Variants in ZNF354B observed in about 807,000 individuals in gnomAD.
ZNF354B encodes the protein zinc finger protein 354B.
ZNF354B carries 10 observed loss-of-function variants against 12.9 expected under a neutral mutation model. The ratio of observed to expected loss-of-function variants is 0.77; its 90% CI spans 0.48 to 1.31. ZNF354B has a LOEUF of 1.31. Among genes scored for constraint, ZNF354B ranks in the 40% most tolerant of loss-of-function variants. ZNF354B has a pLI of 0.00. For missense variants in ZNF354B, 614 were observed against 711.7 expected (o/e 0.86, Z 1.56); for synonymous variants, 260 against 243.7 (o/e 1.07, Z -0.62).
rs1175927141 is a variant in ZNF354B, at chr5:178,867,027, A to G, written c.212A>G (p.Asp71Gly). Residue 71 changes from aspartate (D) to glycine (G), a missense_variant, in exon 4 of 5, where the codon GAT (aspartate) becomes GGT (glycine). Coordinates refer to ENST00000322434, the MANE Select transcript of ZNF354B (RefSeq NM_058230.3). ...ATCTCCCTGTTGCAGCAAGGAGAAG[A>G]TCCCTGGGAGGTGGAGAAAGACAGT... is the stretch of plus-strand genomic sequence containing the variant. The part of the protein sequence containing the change: ...KVISLLQQGE[D>G]PWEVEKDSSG... The G allele has an allele frequency of 7.4e-6, 12 of 1,613,920 alleles. No individual in the cohort carries two copies. Among genetic ancestry groups the G allele is most frequent in the Non-Finnish European group, 9.3e-6 (11 of 1,179,954 alleles).
In ZNF354B at chr5:178,883,129, A is replaced by G. The variant is rs534909805; in HGVS notation, c.677A>G (p.Asn226Ser). 6.8e-6 allele frequency: 11 copies of G among 1,612,664 alleles called. No individual in the cohort carries two copies. The highest frequency in any genetic ancestry group is 5.3e-5 in the African/African-American group (4 of 74,908). Reference protein sequence around the residue: ...CSTCEKAFIHNSSLRKHQKNH... With the variant: ...CSTCEKAFIHSSSLRKHQKNH... ...ACATGTGAAAAAGCCTTCATTCACAATTCATCCCTTCGTAAACATCAGAAA... is the reference window on the plus strand; with the variant it reads ...ACATGTGAAAAAGCCTTCATTCACAGTTCATCCCTTCGTAAACATCAGAAA... Residue 226 changes from asparagine (N) to serine (S), a missense_variant, in exon 5 of 5, where the codon AAT (asparagine) becomes AGT (serine). Transcript: ENST00000322434.
Position 178,866,330 on chromosome 5 carries a change from G to T in ZNF354B, c.120G>T (p.Arg40=), listed in dbSNP as rs1283146133. The T allele has an allele frequency of 6.2e-7, 1 of 1,613,982 alleles. No homozygotes were observed. The highest frequency in any genetic ancestry group is 1.1e-5 in the South Asian group (1 of 91,074). ...CTCCTTCTCAGAGAAACTTGTACCG[G>T]GATGTGATGCTGGAGAACTATAGGA... The part of the protein sequence containing the change: ...KLAPSQRNLY[R]DVMLENYRNL... The change falls in exon 3 of 5, where the codon CGG becomes CGT. Residue 40 remains arginine, a synonymous_variant. Transcript: ENST00000322434.
chr5:178,866,324 G>A lies in ZNF354B; in HGVS notation c.114G>A (p.Leu38=). The A allele has an allele frequency of 1.9e-6, 3 of 1,614,080 alleles. No individual in the cohort carries two copies. The South Asian group carries it at 3.3e-5, about 18-fold the overall frequency. ...AGCTGGCTCCTTCTCAGAGAAACTT[G>A]TACCGGGATGTGATGCTGGAGAACT... The part of the protein sequence containing the change: ...WRKLAPSQRN[L]YRDVMLENYR... The change falls in exon 3 of 5, where the codon TTG becomes TTA. Residue 38 remains leucine, a synonymous_variant. Coordinates refer to ENST00000322434, the MANE Select transcript of ZNF354B (RefSeq NM_058230.3).
At position 178,882,934 on chromosome 5, in the gene ZNF354B, T is replaced by C. The variant is rs1757741921; in HGVS notation, c.482T>C (p.Val161Ala). 2 of 1,600,358 alleles carry C rather than the reference T, an allele frequency of 1.2e-6. No homozygotes were observed. The highest frequency in any genetic ancestry group is 1.7e-6 in the Non-Finnish European group (2 of 1,176,632). Residue 161 changes from valine to alanine, a missense_variant, in exon 5 of 5, where the codon GTT (valine) becomes GCT (alanine). Physicochemically the swap from Val to Ala is moderately conservative, Grantham distance 64. Coordinates refer to ENST00000322434, the MANE Select transcript of ZNF354B (RefSeq NM_058230.3). The part of the protein sequence containing the change: ...ILTVDRSHKN[V>A]EFGQNFYLKS... Reference sequence around the variant, plus strand: ...ACTGTAGATAGAAGCCATAAAAATGTTGAATTTGGCCAAAACTTCTACCTG... The same window carrying C: ...ACTGTAGATAGAAGCCATAAAAATGCTGAATTTGGCCAAAACTTCTACCTG...
intron 4 of ZNF354B, among the ~76,000 whole-genome samples, chr5:178,880,962 C>G: frequency 6.6e-6 from 1 of 151,272 alleles, no homozygotes; most frequent in East Asian, 2.0e-4. Context: ...CCTGCCTCAG[C>G]CTCCCTAGTC....
At chr5:178,877,413 C>T (rs1170465480) in intron 4 of ZNF354B, among the ~76,000 whole-genome samples, 2 of 152,130 alleles carry the variant, frequency 1.3e-5, no homozygotes, top group Non-Finnish European at 2.9e-5. Flanking sequence ...AAGTGATCCG[C>T]CCACCTCAGC....
intron 2 of ZNF354B, among the ~76,000 whole-genome samples, chr5:178,864,512 A>G (rs562991837): frequency 6.6e-6 from 1 of 152,324 alleles, no homozygotes; most frequent in East Asian, 1.9e-4. Context: ...TGTGTACTCT[A>G]TATATTTCAT....
intron 4 of ZNF354B, among the ~76,000 whole-genome samples, chr5:178,867,796 GTTACAC>G (rs1757486529): frequency 6.6e-6 from 1 of 152,182 alleles, no homozygotes; most frequent in Non-Finnish European, 1.5e-5. Context: ...GGTGACATTA[GTTACAC>G]TTGGAATGGG....
intron 4 of ZNF354B, among the ~76,000 whole-genome samples, chr5:178,878,999 C>A (rs536140284): frequency 4.2e-4 from 64 of 151,924 alleles, no homozygotes; most frequent in African/African-American, 1.2e-3. Context: ...CCACACCCGG[C>A]TGAAAGTATG....
chr5:178,873,874 G>A (rs908034248), intron 4 of ZNF354B, among the ~76,000 whole-genome samples: 2 of 150,932 alleles, frequency 1.3e-5, no homozygotes, highest in African/African-American at 2.4e-5. Context: ...ATGATATGTC[G>A]TTCTATTTAT....
At chr5:178,871,483 C>T (rs989594314) in intron 4 of ZNF354B, among the ~76,000 whole-genome samples, 1 of 152,236 alleles carries the variant, frequency 6.6e-6, no homozygotes, top group Admixed American at 6.5e-5. Context: ...TATTTTCCCT[C>T]TCCATGCTTA....
rs199595551 is a variant in ZNF354B at position 178,883,438 on chromosome 5, A to T, written c.986A>T (p.Asn329Ile). 7.5e-5 allele frequency: 121 copies of T among 1,613,918 alleles called. No individual in the cohort carries two copies. Among genetic ancestry groups the T allele is most frequent in the Non-Finnish European group, 1.0e-5 (12 of 1,179,948 alleles). Residue 329 changes from asparagine (N) to isoleucine (I), a missense_variant, in exon 5 of 5, where the codon AAT becomes ATT. Coordinates refer to ENST00000322434, the MANE Select transcript of ZNF354B (RefSeq NM_058230.3). ...GCTCAAGAAAATCCCCATAAATACA[A>T]TCCAGGCAGGAAGGCATCCAGTTAC... ...IHAQENPHKYNPGRKASSYST... is the reference protein window; with the variant it reads ...IHAQENPHKYIPGRKASSYST...
intron 4 of ZNF354B, among the ~76,000 whole-genome samples, chr5:178,877,130 G>A (rs1413423601): frequency 6.6e-6 from 1 of 151,960 alleles, no homozygotes; most frequent in Non-Finnish European, 1.5e-5. Context: ...CTTGTGCAGT[G>A]ACTTTCTAAA....
At position 178,884,328 on chromosome 5, in the gene ZNF354B, TGA is replaced by T. The variant is rs773979905; in HGVS notation, c.*41_*42del. Reference sequence around the variant, plus strand: ...CAAAACTCATCAGAGAATACATGCTTGAGAGTGATTTATTAAATATAATGAAT... The same window carrying T: ...CAAAACTCATCAGAGAATACATGCTTGAGTGATTTATTAAATATAATGAAT... On this transcript the variant is annotated 3_prime_UTR_variant, in exon 5 of 5. Transcript: ENST00000322434. The T allele has an allele frequency of 2.6e-6, 4 of 1,525,180 alleles. No individual in the cohort carries two copies. In the African/African-American group the frequency reaches 4.2e-5, roughly 16 times the overall value. The allele number at this position is 1,525,180 out of a possible 1,614,324, so 94.5% of individuals were successfully genotyped here.
intron 4 of ZNF354B, among the ~76,000 whole-genome samples, chr5:178,868,288 C>T (rs1277254333): frequency 2.0e-5 from 3 of 148,368 alleles, no homozygotes; most frequent in Non-Finnish European, 3.0e-5. Flanking sequence ...ACAGCATTTG[C>T]GAGGTGCTTA....
In ZNF354B at chr5:178,873,954, C is replaced by CTT. The variant is rs34448849; in HGVS notation, c.256+6895_256+6896dup. Among the ~76,000 whole-genome samples the CTT allele has an allele frequency of 5.6e-3, 745 of 132,962 alleles. 9 individuals carry two copies. The highest frequency in any genetic ancestry group is 0.02 in the African/African-American group (702 of 35,822). The allele number at this position is 132,962 out of a possible 152,430, so 87.2% of individuals were successfully genotyped here. The stretch of plus-strand genomic sequence containing the variant: ...CATATGAGTCCTCTGTTTTTTTTTT[C>CTT]TTTTTTTTTTTTTGAGATGGAGTCT... On this transcript the variant is annotated intron_variant, in intron 4 of 4. Transcript: ENST00000322434.
At chr5:178,882,460 T>C (rs972747777) in intron 4 of ZNF354B, among the ~76,000 whole-genome samples, 1 of 152,236 alleles carries the variant, frequency 6.6e-6, no homozygotes, top group Non-Finnish European at 1.5e-5. Flanking sequence ...CTCCTCCTCC[T>C]CTGATCCTTC....
intron 4 of ZNF354B, among the ~76,000 whole-genome samples, chr5:178,876,376 AACAGCAGTGAGGGCTGTGGC>A (rs887336153): frequency 4.6e-5 from 7 of 152,242 alleles, no homozygotes; most frequent in Admixed American, 4.6e-4. Context: ...GCCTGAGGGC[AACAGCAGTGAGGGCTGTGGC>A]ACAGCAAAAA....
intron 4 of ZNF354B, among the ~76,000 whole-genome samples, chr5:178,870,310 C>T (rs1017163024): frequency 6.6e-6 from 1 of 152,198 alleles, no homozygotes; most frequent in Non-Finnish European, 1.5e-5. Flanking sequence ...GACTCTTGCT[C>T]TGTTGCCCAG....
Sources: gnomAD v4.1 joint callset for allele counts (sites outside exome capture counted in the v4.1 genomes callset) on GRCh38, gnomAD v4.1.1 for gene constraint, MANE v1.5 for transcripts, NCBI Gene and HGNC (gene_info 2026-07-23, HGNC 2026-07-21) for gene names.